The following NAALADL2 variants were observed in gnomAD, a reference collection of about 807,000 sequenced individuals.
NAALADL2 encodes inactive N-acetylated-alpha-linked acidic dipeptidase-like protein 2.
Under a neutral mutation model 87.2 loss-of-function variants are expected in NAALADL2, and 76 were observed. The ratio of observed to expected loss-of-function variants is 0.87; its 90% CI spans 0.72 to 1.05. The LOEUF is 1.05. Ranked by LOEUF, NAALADL2 falls within the 50% of genes least tolerant of loss-of-function variation. NAALADL2 has a pLI of 0.00. For missense variants in NAALADL2, 1,089 were observed against 945.8 expected (o/e 1.15, Z -1.99); for synonymous variants, 354 against 331.0 (o/e 1.07, Z -0.75).
chr3:174,862,443 C>G (rs16865225), intron 1 of NAALADL2, among the ~76,000 whole-genome samples: 17,458 of 151,920 alleles, frequency 0.11, 1,098 homozygotes, highest in Middle Eastern at 0.15. Context: ...TTCTCTGCCT[C>G]GAAGGATGTC....
chr3:174,581,729 G>A (rs1444570619), intron 2 of NAALADL2, among the ~76,000 whole-genome samples: 1 of 152,174 alleles, frequency 6.6e-6, no homozygotes, highest in East Asian at 1.9e-4. Context: ...TGATCCTCCT[G>A]GTTAGGTAGT....
At chr3:175,386,855 T>C (rs1768439105) in intron 5 of NAALADL2, among the ~76,000 whole-genome samples, 1 of 152,104 alleles carries the variant, frequency 6.6e-6, no homozygotes, top group Non-Finnish European at 1.5e-5. Context: ...AGTGCTCGTG[T>C]TCAGGCCACC....
chr3:174,870,332 C>T (rs942505637), intron 1 of NAALADL2, among the ~76,000 whole-genome samples: 9 of 152,028 alleles, frequency 5.9e-5, no homozygotes, highest in Non-Finnish European at 1.2e-4. Context: ...CTCCACTGCC[C>T]ATAAATTTTG....
chr3:175,121,664 G>C (rs1358318390), intron 2 of NAALADL2, among the ~76,000 whole-genome samples: 1 of 151,646 alleles, frequency 6.6e-6, no homozygotes, highest in Non-Finnish European at 1.5e-5. Flanking sequence ...ACAGATTTGG[G>C]CCAACAGGCT....
chr3:174,717,983 G>T (rs1731357532), intron 2 of NAALADL2, among the ~76,000 whole-genome samples: 1 of 152,042 alleles, frequency 6.6e-6, no homozygotes, highest in Admixed American at 6.6e-5. Context: ...AAAAAAACTT[G>T]TCGGGCGTGT....
intron 3 of NAALADL2, among the ~76,000 whole-genome samples, chr3:174,798,811 A>T (rs1167276922): frequency 2.6e-5 from 4 of 152,038 alleles, no homozygotes; most frequent in African/African-American, 9.7e-5. Context: ...ATTAGTTCTA[A>T]TAGTTCTTTA....
chr3:174,844,878 G>GTTTTTTTTTTTTTTTTTTTT (rs1724433775), intron 3 of NAALADL2, among the ~76,000 whole-genome samples: 1 of 95,304 alleles, frequency 1.0e-5, no homozygotes. Flanking sequence ...AGTCTTTAGG[G>GTTTTTTTTTTTTTTTTTTTT]TTTTTTATAT....
intron 13 of NAALADL2, among the ~76,000 whole-genome samples, chr3:175,761,745 G>A (rs942614425): frequency 7.9e-5 from 12 of 152,100 alleles, no homozygotes; most frequent in African/African-American, 2.9e-4. Flanking sequence ...GTTCCCCAAT[G>A]ATATATGATG....
intron 2 of NAALADL2, among the ~76,000 whole-genome samples, chr3:174,589,326 G>T (rs982379695): frequency 6.6e-6 from 1 of 152,140 alleles, no homozygotes; most frequent in Non-Finnish European, 1.5e-5. Context: ...TGTGCTTCCC[G>T]GCTGAGGCGA....
At chr3:174,803,219 C>T (rs1038774322) in intron 3 of NAALADL2, among the ~76,000 whole-genome samples, 2 of 152,140 alleles carry the variant, frequency 1.3e-5, no homozygotes, top group African/African-American at 4.8e-5. Flanking sequence ...TTGCATTTCT[C>T]TAATGACTAG....
chr3:174,977,927 T>G (rs1744575628), intron 1 of NAALADL2, among the ~76,000 whole-genome samples: 1 of 152,230 alleles, frequency 6.6e-6, no homozygotes, highest in African/African-American at 2.4e-5. Context: ...TTATAATCTT[T>G]TTATAATATA....
At chr3:175,602,678 A>G (rs1184215078) in intron 10 of NAALADL2, among the ~76,000 whole-genome samples, 1 of 152,156 alleles carries the variant, frequency 6.6e-6, no homozygotes, top group Non-Finnish European at 1.5e-5. Flanking sequence ...AGCAAAGTTA[A>G]AGGGTTTGAA....
intron 5 of NAALADL2, among the ~76,000 whole-genome samples, chr3:175,340,542 TG>T (rs1762464092): frequency 6.6e-6 from 1 of 152,150 alleles, no homozygotes; most frequent in Admixed American, 6.6e-5. Flanking sequence ...GACAGCTCCT[TG>T]TCCCCTTCTC....
chr3:175,351,750 A>G (rs1009599270), intron 5 of NAALADL2, among the ~76,000 whole-genome samples: 4 of 151,974 alleles, frequency 2.6e-5, no homozygotes, highest in Non-Finnish European at 5.9e-5. Flanking sequence ...ATCAAATTTG[A>G]GGAAAGATGG....
At chr3:174,521,042 G>A (rs1169547031) in intron 1 of NAALADL2, among the ~76,000 whole-genome samples, 1 of 152,098 alleles carries the variant, frequency 6.6e-6, no homozygotes, top group Non-Finnish European at 1.5e-5. Context: ...AGAGAAAAGG[G>A]AACACAAACA....
At chr3:175,513,408 C>T (rs1217157445) in intron 9 of NAALADL2, among the ~76,000 whole-genome samples, 1 of 152,142 alleles carries the variant, frequency 6.6e-6, no homozygotes, top group Non-Finnish European at 1.5e-5. Flanking sequence ...GACTACTCTG[C>T]AGAGCAGCAT....
chr3:175,422,299 G>A (rs1581814352), intron 5 of NAALADL2, among the ~76,000 whole-genome samples: 1 of 152,030 alleles, frequency 6.6e-6, no homozygotes, highest in African/African-American at 2.4e-5. Context: ...AGATATAATA[G>A]GGAAGAGAAT....
intron 5 of NAALADL2, among the ~76,000 whole-genome samples, chr3:175,371,804 A>C (rs1766539782): frequency 6.7e-6 from 1 of 150,140 alleles, no homozygotes; most frequent in Non-Finnish European, 1.5e-5. Flanking sequence ...AGCCTGGACA[A>C]CTCCATCTAT....
At chr3:174,446,185 G>T (rs761070495) in intron 1 of NAALADL2, among the ~76,000 whole-genome samples, 4 of 152,032 alleles carry the variant, frequency 2.6e-5, no homozygotes, top group Non-Finnish European at 5.9e-5. Context: ...GGGAATTTAT[G>T]CTCTGGGTAT....
Sources: gnomAD v4.1 joint callset for allele counts (sites outside exome capture counted in the v4.1 genomes callset) on GRCh38, gnomAD v4.1.1 for gene constraint, MANE v1.5 for transcripts, NCBI Gene and HGNC (gene_info 2026-07-23, HGNC 2026-07-21) for gene names.